Variants in COL5A2 observed in about 807,000 individuals in gnomAD.
COL5A2 encodes collagen type V alpha 2 chain.
Under a neutral mutation model 208.2 loss-of-function variants are expected in COL5A2, and 23 were observed. The observed-to-expected ratio is 0.11, with a 90% CI of 0.08 to 0.16. The LOEUF (loss-of-function observed/expected upper bound fraction) is 0.16. COL5A2 is among the 10% of genes least tolerant of loss of function. The probability of loss-of-function intolerance (pLI) is 1.00; values close to 1 mark genes in which losing one functional copy is unlikely to be tolerated. For missense variants in COL5A2, 1,590 were observed against 1,956.4 expected, an observed-to-expected ratio of 0.81 and a Z score of 3.53; for synonymous variants, 625 against 628.5, an observed-to-expected ratio of 0.99 and a Z score of 0.08.
the COL5A2 span, among the ~76,000 whole-genome samples, chr2:189,355,835 A>T: frequency 2.0e-5 from 3 of 152,132 alleles, no homozygotes; most frequent in African/African-American, 7.2e-5. Context: ...CTAGCTGGTT[A>T]CTTTGCCCGT....
At chr2:189,185,824 G>A (rs373489118) in intron 1 of COL5A2, among the ~76,000 whole-genome samples, 6 of 152,248 alleles carry the variant, frequency 3.9e-5, no homozygotes, top group Non-Finnish European at 7.4e-5. Context: ...TTGAATGACC[G>A]TGAGACAAGT....
intron 53 of COL5A2, 145 bp downstream of exon 53, chr2:189,034,771 T>G: frequency 1.1e-6 from 1 of 890,674 alleles, no homozygotes; most frequent in East Asian, 2.6e-5. Flanking sequence ...ACACACACAT[T>G]TACCCTAAGG....
At chr2:189,355,680 A>T in the COL5A2 span, among the ~76,000 whole-genome samples, 5 of 152,146 alleles carry the variant, frequency 3.3e-5, no homozygotes, top group African/African-American at 1.2e-4. Context: ...TGTCTTGCAC[A>T]TGAGATGGGT....
At chr2:189,127,102 A>C (rs1213177942) in intron 1 of COL5A2, among the ~76,000 whole-genome samples, 1 of 152,104 alleles carries the variant, frequency 6.6e-6, no homozygotes, top group East Asian at 1.9e-4. Context: ...TTCTTGTGGA[A>C]GTGATGTATG....
rs369313227 is a variant in COL5A2, at chr2:189,052,824, A to G, written c.2662-22T>C. 155 of 1,613,990 alleles carry G rather than the reference A, an allele frequency of 9.6e-5. No individual in the cohort carries two copies. In the African/African-American group the frequency reaches 1.7e-3, roughly 18 times the overall value. On this transcript the variant is annotated intron_variant, in intron 39 of 53. Transcript: ENST00000374866. The stretch of plus-strand genomic sequence containing the variant: ...GACCCTGAATAGAAACAAACAAAAG[A>G]GCACTATAGTGAAGCAAAAGAGGCT...
At chr2:189,232,258 C>T in the COL5A2 span, among the ~76,000 whole-genome samples, 1 of 151,708 alleles carries the variant, frequency 6.6e-6, no homozygotes, top group Non-Finnish European at 1.5e-5. Flanking sequence ...TTATGAGGTT[C>T]TAATTTCCCA....
intron 1 of COL5A2, among the ~76,000 whole-genome samples, chr2:189,141,527 A>T (rs1363779809): frequency 2.6e-5 from 4 of 152,160 alleles, no homozygotes; most frequent in Admixed American, 2.0e-4. Flanking sequence ...CAATTATCTG[A>T]CTGGGATAAT....
At chr2:189,036,100 C>G (rs1165122185) in intron 52 of COL5A2, among the ~76,000 whole-genome samples, 1 of 151,968 alleles carries the variant, frequency 6.6e-6, no homozygotes, top group Non-Finnish European at 1.5e-5. Context: ...TCCCATAGTA[C>G]AAGAGACCCT....
the COL5A2 span, among the ~76,000 whole-genome samples, chr2:189,275,497 A>C: frequency 7.0e-6 from 1 of 143,674 alleles, no homozygotes; most frequent in African/African-American, 2.6e-5. Flanking sequence ...TCTGTTGCAC[A>C]GGCTGGAGTG....
chr2:189,259,927 C>T, the COL5A2 span, among the ~76,000 whole-genome samples: 1 of 151,996 alleles, frequency 6.6e-6, no homozygotes, highest in Non-Finnish European at 1.5e-5. Flanking sequence ...GACTGAGGTC[C>T]CAGGTACTAC....
chr2:189,083,639 A>T (rs1041616278), intron 12 of COL5A2, among the ~76,000 whole-genome samples: 4 of 152,166 alleles, frequency 2.6e-5, no homozygotes, highest in Admixed American at 2.6e-4. Flanking sequence ...TTGAAGTGTG[A>T]ATTGTAAACA....
the COL5A2 span, among the ~76,000 whole-genome samples, chr2:189,351,954 C>T: frequency 2.0e-5 from 3 of 151,934 alleles, no homozygotes; most frequent in East Asian, 3.9e-4. Flanking sequence ...GCCATCCCTC[C>T]CCCAGCTCCC....
At chr2:189,319,483 C>T in the COL5A2 span, among the ~76,000 whole-genome samples, 1 of 152,208 alleles carries the variant, frequency 6.6e-6, no homozygotes, top group Non-Finnish European at 1.5e-5. Flanking sequence ...TGCGCTTTTC[C>T]AATGGTCTTA....
chr2:189,209,114 C>T (rs1022956541), intron 1 of COL5A2, among the ~76,000 whole-genome samples: 3 of 152,142 alleles, frequency 2.0e-5, no homozygotes, highest in African/African-American at 7.2e-5. Flanking sequence ...CTGTTCCCTG[C>T]ACTATATAGG....
chr2:189,435,351 C>G, the COL5A2 span, among the ~76,000 whole-genome samples: 1 of 152,188 alleles, frequency 6.6e-6, no homozygotes. Context: ...TAAAGAGCTT[C>G]TGCATAGCAA....
chr2:189,294,725 A>G, the COL5A2 span, among the ~76,000 whole-genome samples: 1 of 152,214 alleles, frequency 6.6e-6, no homozygotes, highest in Admixed American at 6.5e-5. Flanking sequence ...CATTTCTACA[A>G]AGATACCCTT....
the COL5A2 span, among the ~76,000 whole-genome samples, chr2:189,279,009 G>C: frequency 6.6e-6 from 1 of 151,708 alleles, no homozygotes; most frequent in African/African-American, 2.4e-5. Flanking sequence ...ACTATTATCT[G>C]TTTAATTTGC....
the COL5A2 span, among the ~76,000 whole-genome samples, chr2:189,268,725 T>C: frequency 2.0e-5 from 3 of 152,158 alleles, no homozygotes; most frequent in African/African-American, 7.2e-5. Context: ...TTAGAAAATA[T>C]GCCACTATTA....
At chr2:189,047,875 A>G (rs1685702782) in intron 45 of COL5A2, among the ~76,000 whole-genome samples, 1 of 152,222 alleles carries the variant, frequency 6.6e-6, no homozygotes, top group African/African-American at 2.4e-5. Flanking sequence ...AAATTTAGAC[A>G]TTACACAGCA....
Sources: gnomAD v4.1 joint callset for allele counts (sites outside exome capture counted in the v4.1 genomes callset) on GRCh38, gnomAD v4.1.1 for gene constraint, MANE v1.5 for transcripts, NCBI Gene and HGNC (gene_info 2026-07-23, HGNC 2026-07-21) for gene names.